TOX: variants seen among roughly 807,000 people sequenced by gnomAD.
TOX encodes thymocyte selection associated high mobility group box, also known as thymocyte selection-associated high mobility group box protein TOX.
In TOX, 11 loss-of-function variants were observed where a neutral mutation model predicts 53.7. The observed-to-expected ratio is 0.20, with a 90% CI of 0.13 to 0.34. The LOEUF (loss-of-function observed/expected upper bound fraction) is 0.34, where lower values mean the gene tolerates loss of function less well. TOX is among the 10% of genes least tolerant of loss of function. The pLI is 1.00. For synonymous variants in TOX, 225 were observed against 245.3 expected, an observed-to-expected ratio of 0.92 and a Z score of 0.77; for missense variants, 570 against 664.6, an observed-to-expected ratio of 0.86 and a Z score of 1.56.
At chr8:58,878,487 T>A (rs375071142) in intron 3 of TOX, among the ~76,000 whole-genome samples, 1 of 152,216 alleles carries the variant, frequency 6.6e-6, no homozygotes, top group African/African-American at 2.4e-5. Context: ...TCCTCAATCT[T>A]TAGGTGAATG....
At chr8:58,914,814 CCAGA>C (rs1334965196) in intron 3 of TOX, among the ~76,000 whole-genome samples, 6 of 151,742 alleles carry the variant, frequency 4.0e-5, no homozygotes, top group Admixed American at 6.6e-5. Context: ...CTAGGGAGTG[CCAGA>C]CAGTGGGCGC....
At chr8:58,977,748 G>A (rs770667309) in intron 1 of TOX, among the ~76,000 whole-genome samples, 6 of 152,078 alleles carry the variant, frequency 3.9e-5, no homozygotes, top group Non-Finnish European at 7.4e-5. Flanking sequence ...ATAGGAGAGC[G>A]GCCAGTCAGT....
intron 3 of TOX, among the ~76,000 whole-genome samples, chr8:58,855,173 C>T (rs1810893483): frequency 6.6e-6 from 1 of 152,140 alleles, no homozygotes; most frequent in Admixed American, 6.6e-5. Context: ...CAACGTCCCA[C>T]CTCTAAGTGA....
At chr8:59,012,163 C>T (rs1267059922) in intron 1 of TOX, among the ~76,000 whole-genome samples, 1 of 152,086 alleles carries the variant, frequency 6.6e-6, no homozygotes, top group African/African-American at 2.4e-5. Context: ...CCTGGAATCC[C>T]ACCTAAGGAT....
intron 2 of TOX, among the ~76,000 whole-genome samples, chr8:58,944,877 G>C (rs1812501976): frequency 6.6e-6 from 1 of 152,158 alleles, no homozygotes; most frequent in South Asian, 2.1e-4. Context: ...AGGAATTTCA[G>C]TATATTTGCC....
intron 3 of TOX, among the ~76,000 whole-genome samples, chr8:58,932,107 C>G (rs186398773): frequency 3.3e-5 from 5 of 152,184 alleles, no homozygotes; most frequent in Admixed American, 6.5e-5. Flanking sequence ...ATAAACAACA[C>G]CTATTCTTGG....
At chr8:58,927,870 C>T (rs537617039) in intron 3 of TOX, among the ~76,000 whole-genome samples, 5 of 152,250 alleles carry the variant, frequency 3.3e-5, no homozygotes, top group African/African-American at 1.2e-4. Context: ...CACTTCCCCA[C>T]GGTCACATGT....
At chr8:58,936,342 T>C (rs148115202) in intron 3 of TOX, among the ~76,000 whole-genome samples, 1 of 152,286 alleles carries the variant, frequency 6.6e-6, no homozygotes, top group Non-Finnish European at 1.5e-5. Context: ...AGTATAAAAC[T>C]CTTTCAACTA....
chr8:58,885,579 C>T (rs888717418), intron 3 of TOX, among the ~76,000 whole-genome samples: 2 of 152,094 alleles, frequency 1.3e-5, no homozygotes, highest in African/African-American at 4.8e-5. Context: ...ATATGCCGTG[C>T]CAATACCAAA....
At chr8:59,051,970 C>G (rs28510074) in intron 1 of TOX, among the ~76,000 whole-genome samples, 2,292 of 152,244 alleles carry the variant, frequency 0.015, 66 homozygotes, top group African/African-American at 0.053. Flanking sequence ...GAAGTTTTGA[C>G]TCTCTACTTT....
Position 58,851,859 on chromosome 8 carries a change from T to G in TOX, c.412-54A>C. 1 of 1,233,496 alleles carries G rather than the reference T, an allele frequency of 8.1e-7. No individual in the cohort carries two copies. The highest frequency in any genetic ancestry group is 1.0e-6 in the Non-Finnish European group (1 of 973,060). The allele number at this position is 1,233,496 out of a possible 1,614,324, so 76.4% of individuals were successfully genotyped here. ...AATAAATAAATAAATAGGAAAGGAG[T>G]AATTTTAACAAATATGTTTTGGGCA... On this transcript the variant is annotated intron_variant, in intron 3 of 8. Coordinates refer to ENST00000361421, the MANE Select transcript of TOX (RefSeq NM_014729.3). This position sits in a 1 kb window ranked among gnomAD's most constrained non-coding sequence, Gnocchi z 4.4.
intron 1 of TOX, among the ~76,000 whole-genome samples, chr8:59,017,427 C>T (rs1383996099): frequency 3.9e-5 from 6 of 152,210 alleles, no homozygotes; most frequent in African/African-American, 1.4e-4. Context: ...GGTATCATCC[C>T]CTGGAGGGAA....
intron 7 of TOX, among the ~76,000 whole-genome samples, chr8:58,813,506 C>T (rs957256431): frequency 7.9e-5 from 12 of 152,210 alleles, no homozygotes; most frequent in African/African-American, 2.9e-4. Flanking sequence ...ATTAATTCTT[C>T]ATACAAACAC....
intron 3 of TOX, among the ~76,000 whole-genome samples, chr8:58,876,744 A>T (rs907217293): frequency 1.3e-5 from 2 of 152,176 alleles, no homozygotes; most frequent in African/African-American, 4.8e-5. Flanking sequence ...TAGAATAAAA[A>T]ACTTCTGTTT....
At chr8:58,975,072 T>A (rs1033053863) in intron 1 of TOX, among the ~76,000 whole-genome samples, 1 of 151,978 alleles carries the variant, frequency 6.6e-6, no homozygotes, top group Non-Finnish European at 1.5e-5. Flanking sequence ...TGTTCAGATA[T>A]AAATATATGT....
At chr8:58,997,302 G>A (rs923798222) in intron 1 of TOX, among the ~76,000 whole-genome samples, 4 of 151,388 alleles carry the variant, frequency 2.6e-5, no homozygotes, top group African/African-American at 7.3e-5. Context: ...TTAGAAATAA[G>A]CAAGAGGAAA....
At chr8:59,018,471 A>G (rs1208241919) in intron 1 of TOX, among the ~76,000 whole-genome samples, 1 of 152,196 alleles carries the variant, frequency 6.6e-6, no homozygotes, top group Non-Finnish European at 1.5e-5. Context: ...GTTCCACAGT[A>G]TGGATAGTAT....
chr8:59,047,031 T>C (rs1003759179), intron 1 of TOX, among the ~76,000 whole-genome samples: 3 of 152,102 alleles, frequency 2.0e-5, no homozygotes, highest in African/African-American at 7.2e-5. Flanking sequence ...TGCTCTGCAC[T>C]ATGGCATAGG....
intron 6 of TOX, among the ~76,000 whole-genome samples, chr8:58,823,251 A>G (rs1414545879): frequency 6.6e-6 from 1 of 152,024 alleles, no homozygotes; most frequent in Admixed American, 6.6e-5. Context: ...GAGATGGAGT[A>G]TTACTCTGTC....
Sources: allele counts gnomAD v4.1 joint callset (sites outside exome capture counted in the v4.1 genomes callset), GRCh38; gene constraint gnomAD v4.1.1; non-coding constraint Gnocchi (gnomAD v3.1); transcripts MANE v1.5; gene names NCBI Gene and HGNC (gene_info 2026-07-23, HGNC 2026-07-21).